Variants in ADARB2 observed in about 807,000 individuals in gnomAD.
ADARB2 encodes the protein inactive double-stranded RNA-specific editase B2.
ADARB2 carries 25 observed loss-of-function variants against 62.2 expected under a neutral mutation model. The observed-to-expected ratio is 0.40, with a 90% CI of 0.29 to 0.56. The LOEUF (loss-of-function observed/expected upper bound fraction) is 0.56, where lower values mean the gene tolerates loss of function less well. Ranked by LOEUF, ADARB2 falls within the 20% of genes least tolerant of loss-of-function variation. The pLI is 0.43. For synonymous variants in ADARB2, 572 were observed against 500.8 expected (o/e 1.14, Z -1.90); for missense variants, 1,071 against 1,077.4 (o/e 0.99, Z 0.08).
intron 1 of ADARB2, among the ~76,000 whole-genome samples, chr10:1,673,865 C>T (rs138494041): frequency 3.3e-5 from 5 of 152,208 alleles, no homozygotes; most frequent in African/African-American, 7.2e-5. Flanking sequence ...GATCCTAGGC[C>T]GGTTACCGAC....
intron 6 of ADARB2, 42 bp from the exon 7 acceptor site, chr10:1,217,161 C>T (rs201444586): frequency 7.8e-5 from 117 of 1,507,250 alleles, no homozygotes; most frequent in African/African-American, 6.9e-4. Context: ...AGAGGGAAGC[C>T]GCCTTGGTTT....
intron 1 of ADARB2, among the ~76,000 whole-genome samples, chr10:1,510,121 T>TTTCTTTC (rs1554767647): frequency 1.8e-4 from 21 of 115,752 alleles, no homozygotes; most frequent in African/African-American, 6.1e-4. Context: ...TCTTTCTTTC[T>TTTCTTTC]TTCTTTCTTT....
At position 1,200,120 on chromosome 10, in the gene ADARB2, C is replaced by T. The variant is rs138375235; in HGVS notation, c.1710G>A (p.Ala570=). Residue 570 remains alanine, a synonymous_variant, in exon 8 of 10, where the codon GCG becomes GCA. Transcript: ENST00000381312. ...CGGGCTCCACGAAGTGGGACAGGAG[C>T]GCGCCCTGCAGCCCCAGGACGTTCC... is the stretch of plus-strand genomic sequence containing the variant. The part of the protein sequence containing the change: ...ARWNVLGLQG[A]LLSHFVEPVY... The T allele has an allele frequency of 2.1e-3, 3,233 of 1,552,402 alleles. 6 individuals carry two copies. Among genetic ancestry groups the T allele is most frequent in the Non-Finnish European group, 2.5e-3 (2,882 of 1,148,678 alleles).
chr10:1,303,964 A>T (rs1339861885), intron 3 of ADARB2, among the ~76,000 whole-genome samples: 7 of 152,228 alleles, frequency 4.6e-5, no homozygotes, highest in African/African-American at 1.7e-4. Flanking sequence ...AAACTGCATC[A>T]ACTAATGAGC....
Position 1,180,107 on chromosome 10 carries a change from A to T in ADARB2, c.*3086T>A, listed in dbSNP as rs2131730887. 1 of 152,352 alleles carries T rather than the reference A, an allele frequency of 6.6e-6. No individual in the cohort carries two copies. The highest frequency in any genetic ancestry group is 2.1e-4 in the South Asian group (1 of 4,830). 9.4% of individuals were successfully genotyped at this position (152,352 alleles called of 1,614,324 possible). A position where few individuals can be genotyped will look rare whatever the true frequency, so the allele number is the denominator to read the frequency against. On this transcript the variant is annotated 3_prime_UTR_variant, in exon 10 of 10. Transcript: ENST00000381312. ...GCTGGGATGTTCTGACCTGGACCTG[A>T]GGGCGAAATCCTCAGGCTTCAACAC...
intron 3 of ADARB2, among the ~76,000 whole-genome samples, chr10:1,285,375 G>T (rs1425227279): frequency 6.6e-6 from 1 of 152,134 alleles, no homozygotes; most frequent in African/African-American, 2.4e-5. Context: ...GGTGGGTGGG[G>T]GTTCTGGAGA....
At chr10:1,521,302 C>A (rs1466418938) in intron 1 of ADARB2, among the ~76,000 whole-genome samples, 1 of 152,120 alleles carries the variant, frequency 6.6e-6, no homozygotes, top group Non-Finnish European at 1.5e-5. Flanking sequence ...CTTTGAAGCC[C>A]AATGGACTCA....
At chr10:1,302,576 G>A (rs977673552) in intron 3 of ADARB2, among the ~76,000 whole-genome samples, 4 of 152,132 alleles carry the variant, frequency 2.6e-5, no homozygotes, top group African/African-American at 7.2e-5. Context: ...CTGGGGGCAG[G>A]GCACAGACAA....
intron 8 of ADARB2, among the ~76,000 whole-genome samples, chr10:1,192,897 C>T (rs1411367146): frequency 1.3e-5 from 2 of 152,232 alleles, no homozygotes; most frequent in Non-Finnish European, 1.5e-5. Context: ...GAGCCGAGAT[C>T]GCGCCACTGC....
chr10:1,716,488 T>C (rs1835018520), intron 1 of ADARB2, among the ~76,000 whole-genome samples: 1 of 152,236 alleles, frequency 6.6e-6, no homozygotes, highest in South Asian at 2.1e-4. Flanking sequence ...TTCCTAATTT[T>C]ATTGCATTGA....
chr10:1,735,449 C>A (rs1253209995), intron 1 of ADARB2, among the ~76,000 whole-genome samples: 1 of 152,150 alleles, frequency 6.6e-6, no homozygotes, highest in Admixed American at 6.5e-5. Context: ...CGAACTATTA[C>A]TCCACATTCT....
intron 4 of ADARB2, among the ~76,000 whole-genome samples, chr10:1,253,996 G>T (rs1380105849): frequency 2.0e-5 from 3 of 151,776 alleles, no homozygotes; most frequent in African/African-American, 7.3e-5. Context: ...TCTGTGGTTA[G>T]GTTAGAATAC....
At chr10:1,676,687 T>G (rs1052185363) in intron 1 of ADARB2, among the ~76,000 whole-genome samples, 8 of 152,224 alleles carry the variant, frequency 5.3e-5, no homozygotes, top group African/African-American at 9.7e-5. Context: ...TTTAGAAGTT[T>G]AATGGGAATG....
chr10:1,183,228 G>A lies in ADARB2; in HGVS notation c.2185C>T (p.Pro729Ser). ...AGTAGAAACTGCTGCTGCTCCGGTG[G>A]TTTCCTCACCCAGGTGCCCAGGCCA... ...KAGLGTWVRK[P>S]PEQQQFLLTL Residue 729 changes from proline (P) to serine (S), a missense_variant, in exon 10 of 10, where the codon CCA (proline) becomes TCA (serine). By Grantham distance (74) the Pro-to-Ser change is moderately conservative. Transcript: ENST00000381312. 31 of 1,613,794 alleles carry A rather than the reference G, an allele frequency of 1.9e-5. No individual in the cohort carries two copies. Among genetic ancestry groups the A allele is most frequent in the Middle Eastern group, 1.7e-4 (1 of 5,824 alleles).
chr10:1,216,984 A>G lies in ADARB2; in HGVS notation c.1649T>C (p.Leu550Pro), dbSNP rs1564223953. 2 of 1,609,056 alleles carry G rather than the reference A, an allele frequency of 1.2e-6. No homozygotes were observed. The highest frequency in any genetic ancestry group is 1.3e-5 in the African/African-American group (1 of 74,944). Reference sequence around the variant, plus strand: ...CTTGTCCGTGCAGGACATGGTGATCAGCTGCTCCCCCAGCAGGACGCCGTC... The same window carrying G: ...CTTGTCCGTGCAGGACATGGTGATCGGCTGCTCCCCCAGCAGGACGCCGTC... ...TWDGVLLGEQ[L>P]ITMSCTDKIA... The change falls in exon 7 of 10, where the codon CTG becomes CCG. Residue 550 changes from leucine (L) to proline (P), a missense_variant. Leu to Pro is a moderately conservative substitution (Grantham distance 98). Coordinates refer to ENST00000381312, the MANE Select transcript of ADARB2 (RefSeq NM_018702.4).
At chr10:1,320,497 T>A (rs1447611273) in intron 3 of ADARB2, among the ~76,000 whole-genome samples, 1 of 152,202 alleles carries the variant, frequency 6.6e-6, no homozygotes, top group Non-Finnish European at 1.5e-5. Flanking sequence ...GGGTATCTCC[T>A]TGGTGAAGGC....
At chr10:1,225,444 T>G (rs1411288180) in intron 6 of ADARB2, among the ~76,000 whole-genome samples, 1 of 152,186 alleles carries the variant, frequency 6.6e-6, no homozygotes, top group Non-Finnish European at 1.5e-5. Context: ...GTGAATTTGA[T>G]CCTGTCATTA....
chr10:1,559,050 C>T (rs1236308435), intron 1 of ADARB2, among the ~76,000 whole-genome samples: 2 of 152,162 alleles, frequency 1.3e-5, no homozygotes, highest in African/African-American at 4.8e-5. Context: ...CAATCGCATC[C>T]CCAGTGCTGA....
At chr10:1,639,640 C>T (rs746456099) in intron 1 of ADARB2, among the ~76,000 whole-genome samples, 2 of 152,138 alleles carry the variant, frequency 1.3e-5, no homozygotes, top group Non-Finnish European at 2.9e-5. Context: ...GTCAGGAGTT[C>T]GAGACCATCC....
Sources: allele counts gnomAD v4.1 joint callset (sites outside exome capture counted in the v4.1 genomes callset), GRCh38; gene constraint gnomAD v4.1.1; transcripts MANE v1.5; gene names NCBI Gene and HGNC (gene_info 2026-07-23, HGNC 2026-07-21).